DENND10: variants seen among roughly 807,000 people sequenced by gnomAD.
DENND10 encodes DENN domain-containing protein 10.
DENND10 carries 24 observed loss-of-function variants against 43.6 expected under a neutral mutation model. The ratio of observed to expected loss-of-function variants is 0.55; its 90% confidence interval spans 0.40 to 0.77. The LOEUF is 0.77. DENND10 is among the 30% of genes least tolerant of loss of function. The pLI, the probability that DENND10 is intolerant of heterozygous loss-of-function variation, is 0.00. For missense variants in DENND10, 303 were observed against 429.9 expected (o/e 0.70, Z 2.61); for synonymous variants, 125 against 157.6 (o/e 0.79, Z 1.55).
intron 6 of DENND10, 65 bp downstream of exon 6, chr10:119,123,634 A>T (rs1230308682): frequency 1.0e-4 from 123 of 1,194,116 alleles, no homozygotes; most frequent in South Asian, 6.9e-4. Flanking sequence ...CCTGAGACGG[A>T]TTTTCACTCT....
At chr10:119,128,616 AAC>A (rs1845938453) in intron 6 of DENND10, among the ~76,000 whole-genome samples, 2 of 151,768 alleles carry the variant, frequency 1.3e-5, no homozygotes, top group Admixed American at 1.3e-4. Context: ...AAAAAAAAAA[AAC>A]AAAAAAACTG....
rs1846410205 is a variant in DENND10, at chr10:119,137,439, A to C, written c.*792A>C. ...TGTAGGACTGAAACAGTGACCTTAT[A>C]TTATTGCTAAGGGAATATGAGATTA... On this transcript the variant is annotated 3_prime_UTR_variant, in exon 9 of 9. Transcript: ENST00000361432. 1 of 166,266 alleles carries C rather than the reference A, an allele frequency of 6.0e-6. No homozygotes were observed. Among genetic ancestry groups the C allele is most frequent in the Non-Finnish European group, 1.5e-5 (1 of 67,996 alleles). The allele number at this position is 166,266 out of a possible 1,614,324, so 10.3% of individuals were successfully genotyped here.
intron 4 of DENND10, among the ~76,000 whole-genome samples, chr10:119,119,533 TC>T (rs998828479): frequency 6.6e-6 from 1 of 152,064 alleles, no homozygotes; most frequent in Admixed American, 6.6e-5. Flanking sequence ...TGCTTAGGCC[TC>T]CCAAAGCGCT....
intron 7 of DENND10, among the ~76,000 whole-genome samples, chr10:119,131,468 AT>A (rs1368799052): frequency 1.3e-5 from 2 of 152,184 alleles, no homozygotes; most frequent in African/African-American, 4.8e-5. Flanking sequence ...AAATAAATAA[AT>A]AAATAAATAA....
chr10:119,109,913 A>G (rs1308820939), intron 2 of DENND10, among the ~76,000 whole-genome samples: 1 of 151,808 alleles, frequency 6.6e-6, no homozygotes, highest in Non-Finnish European at 1.5e-5. Flanking sequence ...CCTGGGCCCA[A>G]GTGATCCTCC....
At position 119,124,492 on chromosome 10, in the gene DENND10, G is replaced by T. The variant is rs572138681; in HGVS notation, c.694+923G>T. On this transcript the variant is annotated intron_variant, in intron 6 of 8. Coordinates refer to ENST00000361432, the MANE Select transcript of DENND10 (RefSeq NM_207009.4). Reference sequence around the variant, plus strand: ...GCAGGTGGAGGTCGCAGTGAGCTGAGACTGAGCCACTGCACTCCAGCCAGG... The same window carrying T: ...GCAGGTGGAGGTCGCAGTGAGCTGATACTGAGCCACTGCACTCCAGCCAGG... Among the ~76,000 whole-genome samples the T allele has an allele frequency of 1.8e-4, 27 of 151,958 alleles. No individual in the cohort carries two copies. The South Asian group carries it at 5.4e-3, about 30-fold the overall frequency.
chr10:119,123,523 C>T lies in DENND10; in HGVS notation c.648C>T (p.Tyr216=), dbSNP rs1369437569. ...AGGACTGGACCATCCTTCACTCTTA[C>T]GTGCACCTCAACGCCGATGAGCTGG... ...HRQDWTILHS[Y]VHLNADELEA... Residue 216 remains tyrosine, a synonymous_variant, in exon 6 of 9, where the codon TAC becomes TAT. Coordinates refer to ENST00000361432, the MANE Select transcript of DENND10 (RefSeq NM_207009.4). 12 of 1,613,582 alleles carry T rather than the reference C, an allele frequency of 7.4e-6. No homozygotes were observed. Among genetic ancestry groups the T allele is most frequent in the Middle Eastern group, 1.7e-4 (1 of 6,058 alleles).
In DENND10 at chr10:119,104,211, C is replaced by T. The variant is rs201890477; in HGVS notation, c.55+14C>T. On this transcript the variant is annotated intron_variant, in intron 1 of 8. Transcript: ENST00000361432. ...TCGGGCTGATCGGTGAGGACGTAGG[C>T]GCCCTGCCTGGAAGCCCGCACCCTG... 683 of 1,509,760 alleles carry T rather than the reference C, an allele frequency of 4.5e-4. 1 individual carries two copies. In the African/African-American group the frequency reaches 8.6e-3, roughly 19 times the overall value. The allele number at this position is 1,509,760 out of a possible 1,614,324, so 93.5% of individuals were successfully genotyped here. A position where few individuals can be genotyped will look rare whatever the true frequency, so the allele number is the denominator to read the frequency against.
intron 4 of DENND10, 62 bp downstream of exon 4, chr10:119,117,729 A>C: frequency 6.5e-7 from 1 of 1,548,474 alleles, no homozygotes; most frequent in Non-Finnish European, 8.8e-7. Context: ...ACACTTTGGG[A>C]GGCCAAGGCG....
At chr10:119,113,363 A>AT (rs1845073484) in intron 3 of DENND10, among the ~76,000 whole-genome samples, 1 of 151,070 alleles carries the variant, frequency 6.6e-6, no homozygotes, top group Admixed American at 6.6e-5. Flanking sequence ...CTAATTAAAA[A>AT]ATATATATAT....
chr10:119,129,432 G>A (rs1436389594), intron 6 of DENND10, 83 bp from the exon 7 acceptor site: 2 of 839,308 alleles, frequency 2.4e-6, no homozygotes, highest in East Asian at 2.5e-5. Flanking sequence ...GAGAGCAGTC[G>A]ATGAGCTTTT....
rs1033010075 is a variant in DENND10, at chr10:119,109,030, C to T, written c.252+866C>T. Among the ~76,000 whole-genome samples, 16 of 151,558 alleles carry T rather than the reference C, an allele frequency of 1.1e-4. No homozygotes were observed. The East Asian group carries it at 3.1e-3, about 30-fold the overall frequency. Reference sequence around the variant, plus strand: ...GTGAGTTCAAGACCAGCCTGACCAACATGGAGAAACCGCATCTCTACTAAA... The same window carrying T: ...GTGAGTTCAAGACCAGCCTGACCAATATGGAGAAACCGCATCTCTACTAAA... On this transcript the variant is annotated intron_variant, in intron 2 of 8. Coordinates refer to ENST00000361432, the MANE Select transcript of DENND10 (RefSeq NM_207009.4).
At chr10:119,106,637 C>T (rs1407763656) in intron 1 of DENND10, among the ~76,000 whole-genome samples, 1 of 152,326 alleles carries the variant, frequency 6.6e-6, no homozygotes, top group Admixed American at 6.5e-5. Context: ...TATGCTTGGC[C>T]TAAACAATTT....
chr10:119,123,875 A>T lies in DENND10; in HGVS notation c.694+306A>T, dbSNP rs1280403463. ...CATGCAATCAATTTTTTGCCCTTAA[A>T]TTTTTTTTTTTTTTTTAGTTTAAAA... is the stretch of plus-strand genomic sequence containing the variant. On this transcript the variant is annotated intron_variant, in intron 6 of 8. Transcript: ENST00000361432. 1.2e-4 allele frequency among the ~76,000 whole-genome samples: 17 copies of T among 142,654 alleles called. No individual in the cohort carries two copies. The East Asian group carries it at 3.0e-3, about 26-fold the overall frequency. The allele number at this position is 142,654 out of a possible 152,430, so 93.6% of individuals were successfully genotyped here.
intron 6 of DENND10, among the ~76,000 whole-genome samples, chr10:119,127,004 T>C (rs545863094): frequency 6.6e-6 from 1 of 151,308 alleles, no homozygotes; most frequent in Non-Finnish European, 1.5e-5. Context: ...GCTTAAGCCA[T>C]CCTTCTACCC....
intron 2 of DENND10, among the ~76,000 whole-genome samples, chr10:119,110,507 G>C (rs1844924937): frequency 6.6e-6 from 1 of 151,976 alleles, no homozygotes; most frequent in East Asian, 1.9e-4. Context: ...GCCCAGCCTG[G>C]AGTGCAGGGA....
intron 4 of DENND10, among the ~76,000 whole-genome samples, chr10:119,118,190 T>A (rs959021978): frequency 6.6e-6 from 1 of 152,200 alleles, no homozygotes; most frequent in Non-Finnish European, 1.5e-5. Flanking sequence ...GAGGGTGCCT[T>A]TAACCCCCGT....
rs548619748 is a variant in DENND10, at chr10:119,132,848, G to A, written c.897+239G>A. 1.8e-4 allele frequency: 87 copies of A among 478,226 alleles called. No homozygotes were observed. The highest frequency in any genetic ancestry group is 6.0e-5 in the Non-Finnish European group (16 of 267,242). The allele number at this position is 478,226 out of a possible 1,614,324, so 29.6% of individuals were successfully genotyped here. A position where few individuals can be genotyped will look rare whatever the true frequency, so the allele number is the denominator to read the frequency against. Reference sequence around the variant, plus strand: ...ACAGGGGCTGGTGCTGACACCGACCGCTGGCAATGAGAAATGTAACTACCA... The same window carrying A: ...ACAGGGGCTGGTGCTGACACCGACCACTGGCAATGAGAAATGTAACTACCA... On this transcript the variant is annotated intron_variant, in intron 8 of 8. Transcript: ENST00000361432. This position sits in a 1 kb window ranked among gnomAD's most constrained non-coding sequence, Gnocchi z 4.2.
chr10:119,116,194 T>A (rs777992949), intron 3 of DENND10, among the ~76,000 whole-genome samples: 9 of 152,144 alleles, frequency 5.9e-5, no homozygotes, highest in Non-Finnish European at 1.2e-4. Context: ...CAGGAAGAGA[T>A]TTCAAGGGGA....
Sources: allele counts gnomAD v4.1 joint callset (sites outside exome capture counted in the v4.1 genomes callset), GRCh38; gene constraint gnomAD v4.1.1; non-coding constraint Gnocchi (gnomAD v3.1); transcripts MANE v1.5; gene names NCBI Gene and HGNC (gene_info 2026-07-23, HGNC 2026-07-21).